CLSTN1: variants seen among roughly 807,000 people sequenced by gnomAD.
CLSTN1 encodes the protein calsyntenin-1.
Under a neutral mutation model 108.3 loss-of-function variants are expected in CLSTN1, and 28 were observed. The ratio of observed to expected loss-of-function variants is 0.26; its 90% CI spans 0.19 to 0.35. The LOEUF (loss-of-function observed/expected upper bound fraction) is 0.35. Among genes scored for constraint, CLSTN1 ranks in the 10% least tolerant of loss-of-function variants. The pLI is 1.00. For synonymous variants in CLSTN1, 524 were observed against 534.9 expected (o/e 0.98, Z 0.28); for missense variants, 1,157 against 1,302.6 (o/e 0.89, Z 1.72).
rs772119200 is a variant in CLSTN1, at chr1:9,728,975, G to A, written c.*1533C>T. On this transcript the variant is annotated 3_prime_UTR_variant, in exon 19 of 19. Coordinates refer to ENST00000377298, the MANE Select transcript of CLSTN1 (RefSeq NM_001009566.3). ...TCGGCTCAAAAAGAAACAAGGGAGT[G>A]TAGGTTTAAAACCAAAACAGGAGAG... The A allele has an allele frequency of 5.3e-5, 8 of 152,222 alleles. No homozygotes were observed. The highest frequency in any genetic ancestry group is 1.0e-4 in the Non-Finnish European group (7 of 68,040). 9.4% of individuals were successfully genotyped at this position (152,222 alleles called of 1,614,324 possible). A position where few individuals can be genotyped will look rare whatever the true frequency, so the allele number is the denominator to read the frequency against.
intron 1 of CLSTN1, chr1:9,780,955 C>T: frequency 4.5e-6 from 2 of 444,552 alleles, no homozygotes; most frequent in East Asian, 4.0e-5. Context: ...TGATCCATCA[C>T]ATGAGGTGTG....
chr1:9,821,747 T>G (rs757931433), intron 1 of CLSTN1, among the ~76,000 whole-genome samples: 1 of 152,198 alleles, frequency 6.6e-6, no homozygotes, highest in Non-Finnish European at 1.5e-5. Context: ...TTATTAGCAT[T>G]TCGTGTAATT....
Position 9,744,661 on chromosome 1 carries a change from G to C in CLSTN1, c.986-18C>G. The C allele has an allele frequency of 1.3e-6, 2 of 1,596,662 alleles. No homozygotes were observed. Among genetic ancestry groups the C allele is most frequent in the Non-Finnish European group, 1.7e-6 (2 of 1,174,170 alleles). The stretch of plus-strand genomic sequence containing the variant: ...GGCCGCACCTGAAGCCACAGTGCTC[G>C]GTGAAACTCATGTGAGGAGCCAGAG... On this transcript the variant is annotated intron_variant, in intron 7 of 18. Coordinates refer to ENST00000377298, the MANE Select transcript of CLSTN1 (RefSeq NM_001009566.3).
chr1:9,817,575 G>T (rs1476569364), intron 1 of CLSTN1, among the ~76,000 whole-genome samples: 2 of 152,020 alleles, frequency 1.3e-5, no homozygotes, highest in Non-Finnish European at 2.9e-5. Flanking sequence ...TGATCCGCCT[G>T]CCTCGGCCTC....
intron 1 of CLSTN1, among the ~76,000 whole-genome samples, chr1:9,778,786 G>C (rs1026944836): frequency 6.6e-5 from 10 of 152,082 alleles, no homozygotes; most frequent in Non-Finnish European, 1.3e-4. Flanking sequence ...AGGCCAAGGC[G>C]GGTGGATCAC....
rs77308186 is a variant in CLSTN1 at position 9,792,216 on chromosome 1, A to C, written c.92-18822T>G. 3.3e-3 allele frequency among the ~76,000 whole-genome samples: 504 copies of C among 151,144 alleles called. 3 individuals are homozygous for C. Among genetic ancestry groups the C allele is most frequent in the African/African-American group, 0.011 (439 of 41,456 alleles). ...AAAACAACAACAACAACAACAACAA[A>C]AAAAACAGGCCAGGCACCAACCCAA... On this transcript the variant is annotated intron_variant, in intron 1 of 18. Transcript: ENST00000377298.
chr1:9,752,890 A>C (rs1317111847), intron 4 of CLSTN1, among the ~76,000 whole-genome samples: 1 of 152,140 alleles, frequency 6.6e-6, no homozygotes, highest in Non-Finnish European at 1.5e-5. Flanking sequence ...TAAATAAATA[A>C]AACAAAAGAA....
At chr1:9,774,532 C>T (rs1324959714) in intron 1 of CLSTN1, among the ~76,000 whole-genome samples, 1 of 151,744 alleles carries the variant, frequency 6.6e-6, no homozygotes, top group African/African-American at 2.4e-5. Context: ...CGCCACCGCA[C>T]TCCAGACTGG....
At chr1:9,755,387 A>C in intron 3 of CLSTN1, 78 bp from the exon 4 acceptor site, 1 of 1,179,944 alleles carries the variant, frequency 8.5e-7, no homozygotes, top group Non-Finnish European at 1.2e-6. Flanking sequence ...CCCCATCTCC[A>C]CCCCCAAAGA....
chr1:9,731,711 G>C (rs921974912), intron 17 of CLSTN1, 50 bp downstream of exon 17: 8 of 1,603,386 alleles, frequency 5.0e-6, no homozygotes, highest in Non-Finnish European at 6.8e-6. Context: ...GGTGGGGGCA[G>C]GGCGGACGGC....
chr1:9,767,254 G>A (rs1482560926), intron 2 of CLSTN1, among the ~76,000 whole-genome samples: 4 of 152,172 alleles, frequency 2.6e-5, no homozygotes, highest in Non-Finnish European at 4.4e-5. Flanking sequence ...TAAGATTGGA[G>A]AAGAGAGGCT....
intron 17 of CLSTN1, 57 bp downstream of exon 17, chr1:9,731,704 G>T: frequency 6.3e-7 from 1 of 1,580,816 alleles, no homozygotes; most frequent in Non-Finnish European, 8.7e-7. Context: ...ACGGTGGGGT[G>T]GGGGCAGGGC....
chr1:9,741,690 T>A (rs1650991398), intron 9 of CLSTN1, among the ~76,000 whole-genome samples: 1 of 152,164 alleles, frequency 6.6e-6, no homozygotes, highest in South Asian at 2.1e-4. Flanking sequence ...GGCGAGGAGA[T>A]CACTTGAGGT....
intron 2 of CLSTN1, among the ~76,000 whole-genome samples, chr1:9,767,892 C>T (rs1652426586): frequency 6.6e-6 from 1 of 152,176 alleles, no homozygotes; most frequent in Non-Finnish European, 1.5e-5. Flanking sequence ...GTAATAACAG[C>T]AGCGGCAAAT....
intron 1 of CLSTN1, among the ~76,000 whole-genome samples, chr1:9,777,217 CA>C (rs1183664020): frequency 0.047 from 2,425 of 51,142 alleles, 18 homozygotes; most frequent in Non-Finnish European, 0.072. Flanking sequence ...GAGACTGTCT[CA>C]AAAAAAAAAA....
In CLSTN1 at chr1:9,789,207, T is replaced by C. The variant is rs1188192686; in HGVS notation, c.92-15813A>G. ...GCCCAGAAGGCGGACTGCTGGATCA[T>C]ACGGTGATTCTATCTTTAGGGTGAT... On this transcript the variant is annotated intron_variant, in intron 1 of 18. Transcript: ENST00000377298. Among the ~76,000 whole-genome samples the C allele has an allele frequency of 4.0e-5, 6 of 151,554 alleles. No individual in the cohort carries two copies. In the South Asian group the frequency reaches 1.1e-3, roughly 27 times the overall value.
chr1:9,763,167 G>C (rs1652166377), intron 2 of CLSTN1, among the ~76,000 whole-genome samples: 1 of 152,024 alleles, frequency 6.6e-6, no homozygotes, highest in South Asian at 2.1e-4. Flanking sequence ...TCACCATGTT[G>C]GCCAGGCTGG....
At chr1:9,737,268 A>G (rs1030989570) in intron 11 of CLSTN1, among the ~76,000 whole-genome samples, 1 of 150,682 alleles carries the variant, frequency 6.6e-6, no homozygotes, top group Non-Finnish European at 1.5e-5. Context: ...TGGGGGGGGA[A>G]GTCCCATGCA....
At chr1:9,806,739 C>T (rs1391454716) in intron 1 of CLSTN1, among the ~76,000 whole-genome samples, 1 of 151,882 alleles carries the variant, frequency 6.6e-6, no homozygotes, top group South Asian at 2.1e-4. Flanking sequence ...ATTAACCGGG[C>T]GTGGTGGCGG....
Sources: allele counts gnomAD v4.1 joint callset (sites outside exome capture counted in the v4.1 genomes callset), GRCh38; gene constraint gnomAD v4.1.1; transcripts MANE v1.5; gene names NCBI Gene and HGNC (gene_info 2026-07-23, HGNC 2026-07-21).